ZFAND6: variants seen among roughly 807,000 people sequenced by gnomAD.
ZFAND6 encodes zinc finger AN1-type containing 6.
In ZFAND6, 12 loss-of-function variants were observed where a neutral mutation model predicts 24.5. That is an observed-to-expected ratio of 0.49 (90% confidence interval 0.31 to 0.79). ZFAND6 has a LOEUF of 0.79. Among genes scored for constraint, ZFAND6 ranks in the 30% least tolerant of loss-of-function variants. ZFAND6 has a pLI of 0.04. For missense variants in ZFAND6, 207 were observed against 245.9 expected (o/e 0.84, Z 1.06); for synonymous variants, 92 against 81.5 (o/e 1.13, Z -0.69).
intron 5 of ZFAND6, chr15:80,130,466 G>T (rs147895687): frequency 6.6e-6 from 1 of 152,102 alleles, no homozygotes; most frequent in South Asian, 2.1e-4. Context: ...AAAATGTCAC[G>T]TCTGCAAGGT....
intron 2 of ZFAND6, among the ~76,000 whole-genome samples, chr15:80,104,535 CA>C (rs1329187381): frequency 4.6e-5 from 7 of 150,790 alleles, no homozygotes; most frequent in Non-Finnish European, 7.4e-5. Context: ...GTCAGTCAGT[CA>C]ATCCATCCAT....
intron 6 of ZFAND6, among the ~76,000 whole-genome samples, chr15:80,133,353 C>T (rs986378066): frequency 7.2e-5 from 11 of 151,882 alleles, no homozygotes; most frequent in African/African-American, 2.4e-4. Flanking sequence ...CCACCATGCC[C>T]GGCTAATTTT....
At chr15:80,078,703 G>A (rs1217450602) in intron 1 of ZFAND6, among the ~76,000 whole-genome samples, 2 of 152,056 alleles carry the variant, frequency 1.3e-5, no homozygotes, top group South Asian at 4.2e-4. Context: ...CCATTTTCTG[G>A]GAAACTTCAC....
intron 1 of ZFAND6, among the ~76,000 whole-genome samples, chr15:80,076,493 C>A (rs372036289): frequency 2.6e-5 from 4 of 151,988 alleles, no homozygotes; most frequent in Admixed American, 6.6e-5. Context: ...ATAATACATT[C>A]TTTACTGTGC....
chr15:80,063,580 C>G (rs926491125), intron 1 of ZFAND6, among the ~76,000 whole-genome samples: 1 of 145,136 alleles, frequency 6.9e-6, no homozygotes, highest in East Asian at 2.1e-4. Context: ...TTTTTTGAGA[C>G]GGAATCTTAC....
chr15:80,121,939 T>G (rs2040165600), intron 4 of ZFAND6, 119 bp downstream of exon 4: 1 of 865,264 alleles, frequency 1.2e-6, no homozygotes, highest in African/African-American at 1.7e-5. Context: ...GCCTAAAATT[T>G]TATCGTCTGA....
intron 1 of ZFAND6, among the ~76,000 whole-genome samples, chr15:80,079,774 C>T (rs2037537537): frequency 1.3e-5 from 2 of 150,802 alleles, no homozygotes; most frequent in South Asian, 4.2e-4. Flanking sequence ...CTTAGCCTCC[C>T]CGAGTAGCTG....
intron 1 of ZFAND6, among the ~76,000 whole-genome samples, chr15:80,068,522 C>T (rs1255317066): frequency 6.6e-6 from 1 of 152,124 alleles, no homozygotes; most frequent in Non-Finnish European, 1.5e-5. Context: ...CAGGCGAGTG[C>T]CACCACGCCT....
chr15:80,094,708 A>G (rs770393282), intron 1 of ZFAND6, among the ~76,000 whole-genome samples: 12 of 152,164 alleles, frequency 7.9e-5, no homozygotes, highest in Non-Finnish European at 1.6e-4. Flanking sequence ...ACTGCATTAC[A>G]GTTATTAAAT....
At chr15:80,105,135 GACCACAT>G (rs2039252196) in intron 2 of ZFAND6, among the ~76,000 whole-genome samples, 1 of 152,170 alleles carries the variant, frequency 6.6e-6, no homozygotes, top group African/African-American at 2.4e-5. Flanking sequence ...TCCCCTGGTA[GACCACAT>G]ACTTGCTTTT....
At chr15:80,104,133 C>A (rs1474135012) in intron 2 of ZFAND6, among the ~76,000 whole-genome samples, 1 of 152,114 alleles carries the variant, frequency 6.6e-6, no homozygotes. Context: ...TGAGCCACCG[C>A]CCCTGGCCGG....
At chr15:80,117,689 G>C (rs1298820319) in intron 2 of ZFAND6, among the ~76,000 whole-genome samples, 2 of 152,082 alleles carry the variant, frequency 1.3e-5, no homozygotes, top group Non-Finnish European at 2.9e-5. Context: ...CATGCTTCCC[G>C]GTTTGTCATG....
At chr15:80,124,365 G>A (rs528170763) in intron 5 of ZFAND6, among the ~76,000 whole-genome samples, 3 of 151,990 alleles carry the variant, frequency 2.0e-5, no homozygotes, top group East Asian at 1.9e-4. Context: ...CCTGGGAGGC[G>A]GAGCTTGCGG....
chr15:80,063,549 G>A (rs1275946610), intron 1 of ZFAND6, among the ~76,000 whole-genome samples: 2 of 148,826 alleles, frequency 1.3e-5, no homozygotes, highest in Admixed American at 6.8e-5. Context: ...GCACCACCAC[G>A]CCCAGCTAAT....
At chr15:80,060,172 G>A (rs1319464508) in intron 1 of ZFAND6, 3 of 152,118 alleles carry the variant, frequency 2.0e-5, no homozygotes, top group East Asian at 3.9e-4. Flanking sequence ...CGGGTTGCGA[G>A]CGGTTGGCTG....
At chr15:80,090,002 C>T (rs1005632321) in intron 1 of ZFAND6, among the ~76,000 whole-genome samples, 1 of 152,184 alleles carries the variant, frequency 6.6e-6, no homozygotes, top group Non-Finnish European at 1.5e-5. Flanking sequence ...AATCCTTTCC[C>T]TATAACGAAG....
intron 1 of ZFAND6, among the ~76,000 whole-genome samples, chr15:80,093,256 T>C (rs906728966): frequency 2.0e-5 from 3 of 151,498 alleles, no homozygotes; most frequent in African/African-American, 7.3e-5. Flanking sequence ...TGAGCCACCA[T>C]GCCCAGGCAG....
chr15:80,077,693 CTTTCT>C (rs1421513856), intron 1 of ZFAND6, among the ~76,000 whole-genome samples: 1 of 101,894 alleles, frequency 9.8e-6, no homozygotes, highest in Non-Finnish European at 2.2e-5. Flanking sequence ...AGTGAGTTTT[CTTTCT>C]TTTTTTTTTT....
chr15:80,136,619 A>G (rs879421726), intron 6 of ZFAND6, among the ~76,000 whole-genome samples: 1 of 152,208 alleles, frequency 6.6e-6, no homozygotes, highest in Non-Finnish European at 1.5e-5. Context: ...AGTTACAAAT[A>G]TGTCTTTGAA....
Sources: gnomAD v4.1 joint callset for allele counts (sites outside exome capture counted in the v4.1 genomes callset) on GRCh38, gnomAD v4.1.1 for gene constraint, MANE v1.5 for transcripts, NCBI Gene and HGNC (gene_info 2026-07-23, HGNC 2026-07-21) for gene names.